ANKRD30A: variants seen among roughly 807,000 people sequenced by gnomAD.
The protein encoded by ANKRD30A is ankyrin repeat domain 30A.
In ANKRD30A, 170 loss-of-function variants were observed where a neutral mutation model predicts 166.3. The observed-to-expected ratio is 1.02, with a 90% CI of 0.90 to 1.16. The LOEUF (loss-of-function observed/expected upper bound fraction) is 1.16. ANKRD30A is among the 50% of genes most tolerant of loss of function. The pLI is 0.00. For missense variants in ANKRD30A, 1,630 were observed against 1,518.0 expected, an observed-to-expected ratio of 1.07 and a Z score of -1.23; for synonymous variants, 564 against 508.9, an observed-to-expected ratio of 1.11 and a Z score of -1.46.
chr10:37,166,245 G>T (rs1486368610), intron 18 of ANKRD30A, among the ~76,000 whole-genome samples: 2 of 152,156 alleles, frequency 1.3e-5, no homozygotes, highest in African/African-American at 4.8e-5. Context: ...CAAATGCGTT[G>T]TATTTTGTTT....
At chr10:37,192,644 T>G (rs1276650542) in intron 25 of ANKRD30A, among the ~76,000 whole-genome samples, 1 of 152,044 alleles carries the variant, frequency 6.6e-6, no homozygotes, top group Non-Finnish European at 1.5e-5. Flanking sequence ...TCAGTGATTC[T>G]GACGTGTTTC....
At chr10:37,137,983 G>A (rs1388174465) in intron 6 of ANKRD30A, among the ~76,000 whole-genome samples, 1 of 152,006 alleles carries the variant, frequency 6.6e-6, no homozygotes, top group Non-Finnish European at 1.5e-5. Context: ...CCCCCAAGTA[G>A]GGGCAGACTG....
At chr10:37,158,623 G>T (rs749150218) in intron 15 of ANKRD30A, 37 bp downstream of exon 15, 1 of 1,604,098 alleles carries the variant, frequency 6.2e-7, no homozygotes, top group Admixed American at 1.7e-5. Flanking sequence ...CTGGAAAGGA[G>T]AATATTAAAA....
chr10:37,145,576 A>G (rs182929927), intron 8 of ANKRD30A, among the ~76,000 whole-genome samples: 1 of 152,392 alleles, frequency 6.6e-6, no homozygotes, highest in East Asian at 1.9e-4. Context: ...TTTCAGAATT[A>G]GTTTCAGACA....
chr10:37,167,735 T>C (rs1175510426), intron 19 of ANKRD30A, among the ~76,000 whole-genome samples: 1 of 151,554 alleles, frequency 6.6e-6, no homozygotes, highest in Non-Finnish European at 1.5e-5. Flanking sequence ...AGTATATGGG[T>C]ATGAAAATCA....
rs1839571201 is a variant in ANKRD30A, at chr10:37,171,639, A to T, written c.2257+1915A>T. Among the ~76,000 whole-genome samples, 3 of 151,646 alleles carry T rather than the reference A, an allele frequency of 2.0e-5. No homozygotes were observed. The South Asian group carries it at 6.2e-4, about 32-fold the overall frequency. On this transcript the variant is annotated intron_variant, in intron 21 of 35. Coordinates refer to ENST00000361713, the MANE Select transcript of ANKRD30A (RefSeq NM_052997.3). ...ATAAGGTTTTAAAGTGCCAAATAACAAATGGGCTCTTGTATATGAAATAAT... is the reference window on the plus strand; with the variant it reads ...ATAAGGTTTTAAAGTGCCAAATAACTAATGGGCTCTTGTATATGAAATAAT...
At chr10:37,154,416 A>T (rs17606250) in intron 13 of ANKRD30A, among the ~76,000 whole-genome samples, 2 of 152,206 alleles carry the variant, frequency 1.3e-5, no homozygotes, top group Non-Finnish European at 1.5e-5. Flanking sequence ...TGCTCTGGGT[A>T]GCAAGAGGAG....
intron 25 of ANKRD30A, among the ~76,000 whole-genome samples, chr10:37,190,252 AT>A (rs1419976107): frequency 6.6e-6 from 1 of 151,896 alleles, no homozygotes; most frequent in African/African-American, 2.4e-5. Flanking sequence ...GGGATTCTGC[AT>A]TTTTAAAAAG....
At chr10:37,161,956 G>C (rs1295777622) in intron 15 of ANKRD30A, among the ~76,000 whole-genome samples, 1 of 152,040 alleles carries the variant, frequency 6.6e-6, no homozygotes, top group Non-Finnish European at 1.5e-5. Flanking sequence ...ATATAAAAAA[G>C]TTATTTATGT....
At chr10:37,216,787 T>C (rs1842629131) in intron 32 of ANKRD30A, among the ~76,000 whole-genome samples, 1 of 151,170 alleles carries the variant, frequency 6.6e-6, no homozygotes, top group South Asian at 2.1e-4. Flanking sequence ...GGTTAAGTTA[T>C]AGGAAGTTTT....
chr10:37,248,324 T>C, the ANKRD30A span: 2 of 371,080 alleles, frequency 5.4e-6, no homozygotes, highest in African/African-American at 4.2e-5. Context: ...CTATGAGATA[T>C]CTGAAGCTTG....
the ANKRD30A span, among the ~76,000 whole-genome samples, chr10:37,246,959 G>A: frequency 6.6e-6 from 1 of 152,132 alleles, no homozygotes; most frequent in Non-Finnish European, 1.5e-5. Context: ...AGTGGCTCAG[G>A]CCTGTGATTT....
intron 33 of ANKRD30A, 150 bp downstream of exon 33, chr10:37,218,028 T>C: frequency 3.9e-6 from 2 of 515,608 alleles, no homozygotes; most frequent in Non-Finnish European, 6.4e-6. Context: ...TAGCTACAGT[T>C]ATTTATTATA....
At chr10:37,182,949 T>G (rs1484251979) in intron 24 of ANKRD30A, among the ~76,000 whole-genome samples, 1 of 151,404 alleles carries the variant, frequency 6.6e-6, no homozygotes, top group African/African-American at 2.4e-5. Flanking sequence ...GTCCTGGAAC[T>G]TCCTTGTTTG....
chr10:37,255,095 T>C, the ANKRD30A span, among the ~76,000 whole-genome samples: 1 of 152,216 alleles, frequency 6.6e-6, no homozygotes, highest in African/African-American at 2.4e-5. Flanking sequence ...TAAGAAACTC[T>C]TGTCAAACCC....
At chr10:37,171,800 C>T (rs1839586147) in intron 21 of ANKRD30A, among the ~76,000 whole-genome samples, 1 of 150,212 alleles carries the variant, frequency 6.7e-6, no homozygotes, top group Non-Finnish European at 1.5e-5. Context: ...ACTGTGCTCT[C>T]TTTTTCCCTA....
the ANKRD30A span, among the ~76,000 whole-genome samples, chr10:37,258,339 G>A: frequency 2.5e-4 from 38 of 152,068 alleles, no homozygotes; most frequent in Non-Finnish European, 4.6e-4. Flanking sequence ...AACCAAGAAA[G>A]TTCTGAAGAA....
intron 9 of ANKRD30A, 112 bp from the exon 10 acceptor site, chr10:37,149,539 A>T: frequency 7.6e-7 from 1 of 1,311,496 alleles, no homozygotes; most frequent in East Asian, 2.3e-5. Context: ...AATCTAAAGT[A>T]TTCGTTCTCA....
intron 6 of ANKRD30A, among the ~76,000 whole-genome samples, chr10:37,140,603 G>T (rs1007977415): frequency 5.9e-5 from 9 of 152,118 alleles, no homozygotes; most frequent in African/African-American, 2.2e-4. Context: ...TGTTCTATCT[G>T]CTGGATAATT....
Sources: allele counts gnomAD v4.1 joint callset (sites outside exome capture counted in the v4.1 genomes callset), GRCh38; gene constraint gnomAD v4.1.1; transcripts MANE v1.5; gene names NCBI Gene and HGNC (gene_info 2026-07-23, HGNC 2026-07-21).